Variants in PDSS2 observed in about 807,000 individuals in gnomAD.
The protein encoded by PDSS2 is decaprenyl diphosphate synthase subunit 2.
PDSS2 carries 31 observed loss-of-function variants against 44.5 expected under a neutral mutation model. The observed-to-expected ratio is 0.70, with a 90% CI of 0.52 to 0.94. PDSS2 has a LOEUF of 0.94. Ranked by LOEUF, PDSS2 falls within the 40% of genes least tolerant of loss-of-function variation. The probability of loss-of-function intolerance (pLI) is 0.00; values close to 1 mark genes in which losing one functional copy is unlikely to be tolerated. For synonymous variants in PDSS2, 157 were observed against 180.3 expected, an observed-to-expected ratio of 0.87 and a Z score of 1.03; for missense variants, 452 against 482.2, an observed-to-expected ratio of 0.94 and a Z score of 0.59.
chr6:107,423,630 C>T (rs545480434), intron 1 of PDSS2, among the ~76,000 whole-genome samples: 10 of 152,212 alleles, frequency 6.6e-5, no homozygotes, highest in South Asian at 2.1e-4. Flanking sequence ...ATCACTCTCC[C>T]GAAGCCCTTC....
chr6:107,264,289 A>G lies in PDSS2; in HGVS notation c.630+9740T>C. 2.1e-6 allele frequency: 3 copies of G among 1,400,160 alleles called. No individual in the cohort carries two copies. In the South Asian group the frequency reaches 5.4e-5, roughly 25 times the overall value. 86.7% of individuals were successfully genotyped at this position (1,400,160 alleles called of 1,614,324 possible). On this transcript the variant is annotated intron_variant, in intron 3 of 7. Transcript: ENST00000369037. Reference sequence around the variant, plus strand: ...AACAAAATACTTCATTTTAAACAACATATTTACGCCTTTAGGAAAACAAAG... The same window carrying G: ...AACAAAATACTTCATTTTAAACAACGTATTTACGCCTTTAGGAAAACAAAG...
chr6:107,360,292 T>C (rs963700733), intron 1 of PDSS2, among the ~76,000 whole-genome samples: 1 of 152,240 alleles, frequency 6.6e-6, no homozygotes, highest in Non-Finnish European at 1.5e-5. Flanking sequence ...GTGTATTCTC[T>C]CTTCTCTAGC....
At chr6:107,249,317 AT>A (rs1450201164) in intron 3 of PDSS2, among the ~76,000 whole-genome samples, 3 of 152,314 alleles carry the variant, frequency 2.0e-5, no homozygotes, top group Admixed American at 6.5e-5. Flanking sequence ...AGATTATGGT[AT>A]TTTTAAAATT....
intron 1 of PDSS2, among the ~76,000 whole-genome samples, chr6:107,404,626 C>T (rs319054): frequency 0.38 from 57,263 of 151,994 alleles, 13,273 homozygotes; most frequent in Middle Eastern, 0.64. Flanking sequence ...TACAGGGGAA[C>T]TGCCATTTAT....
At chr6:107,191,139 C>T (rs1447940574) in intron 7 of PDSS2, among the ~76,000 whole-genome samples, 1 of 152,162 alleles carries the variant, frequency 6.6e-6, no homozygotes, top group East Asian at 1.9e-4. Flanking sequence ...GATCCGCCCG[C>T]CTCCACCTCC....
chr6:107,421,165 T>C (rs1780812661), intron 1 of PDSS2, among the ~76,000 whole-genome samples: 1 of 152,164 alleles, frequency 6.6e-6, no homozygotes, highest in South Asian at 2.1e-4. Context: ...TTAGAATGGC[T>C]AAAATAAAAA....
At chr6:107,400,687 G>A (rs183557600) in intron 1 of PDSS2, among the ~76,000 whole-genome samples, 95 of 152,238 alleles carry the variant, frequency 6.2e-4, no homozygotes, top group Middle Eastern at 3.4e-3. Context: ...CCCCATACTG[G>A]CTCTCTAGCA....
chr6:107,372,397 C>T (rs907581402), intron 1 of PDSS2, among the ~76,000 whole-genome samples: 2 of 152,114 alleles, frequency 1.3e-5, no homozygotes, highest in African/African-American at 4.8e-5. Flanking sequence ...TGCATTTAGT[C>T]TGGGAAGTAG....
At position 107,388,846 on chromosome 6, in the gene PDSS2, G is replaced by A. The variant is rs181466428; in HGVS notation, c.297-54514C>T. Among the ~76,000 whole-genome samples the A allele has an allele frequency of 2.5e-3, 383 of 152,266 alleles. 1 individual carries two copies. Among genetic ancestry groups the A allele is most frequent in the Admixed American group, 4.4e-3 (68 of 15,298 alleles). ...TAAAAGAAGAATGGGTAAACAAATT[G>A]TGGTATATCCATACAATGTAATATT... On this transcript the variant is annotated intron_variant, in intron 1 of 7. Coordinates refer to ENST00000369037, the MANE Select transcript of PDSS2 (RefSeq NM_020381.4).
chr6:107,429,348 T>C (rs983214564), intron 1 of PDSS2, among the ~76,000 whole-genome samples: 2 of 152,110 alleles, frequency 1.3e-5, no homozygotes, highest in African/African-American at 2.4e-5. Context: ...TACTCTATAA[T>C]ACAACATACA....
At chr6:107,406,831 T>C (rs1353983586) in intron 1 of PDSS2, among the ~76,000 whole-genome samples, 3 of 152,200 alleles carry the variant, frequency 2.0e-5, no homozygotes, top group Non-Finnish European at 4.4e-5. Flanking sequence ...GTGGGTAGAA[T>C]AACATTCATA....
chr6:107,326,494 T>C (rs547588621), intron 2 of PDSS2, among the ~76,000 whole-genome samples: 11 of 152,188 alleles, frequency 7.2e-5, no homozygotes, highest in African/African-American at 2.6e-4. Context: ...AAATGTTCGG[T>C]CATGATTTTC....
chr6:107,188,814 A>G (rs1227909735), intron 7 of PDSS2, among the ~76,000 whole-genome samples: 3 of 152,206 alleles, frequency 2.0e-5, no homozygotes, highest in African/African-American at 7.2e-5. Flanking sequence ...ATGTGCCATG[A>G]TTCTAAGCTC....
chr6:107,380,536 T>G (rs1010418208), intron 1 of PDSS2, among the ~76,000 whole-genome samples: 1 of 152,186 alleles, frequency 6.6e-6, no homozygotes, highest in African/African-American at 2.4e-5. Context: ...TTCCCAGATC[T>G]TCAACTTTGA....
intron 1 of PDSS2, among the ~76,000 whole-genome samples, chr6:107,431,013 G>C (rs1328450924): frequency 6.6e-6 from 1 of 152,138 alleles, no homozygotes; most frequent in African/African-American, 2.4e-5. Flanking sequence ...TAGGAAGGAG[G>C]AAAGAAAATC....
intron 4 of PDSS2, among the ~76,000 whole-genome samples, chr6:107,244,116 G>A (rs552855238): frequency 1.3e-5 from 2 of 152,228 alleles, no homozygotes; most frequent in East Asian, 1.9e-4. Context: ...CAACAAGAGC[G>A]AAACTCCATC....
At position 107,412,842 on chromosome 6, in the gene PDSS2, A is replaced by T. The variant is rs575351824; in HGVS notation, c.296+46148T>A. 2.0e-5 allele frequency among the ~76,000 whole-genome samples: 3 copies of T among 152,318 alleles called. No individual in the cohort carries two copies. The South Asian group carries it at 6.2e-4, about 32-fold the overall frequency. ...CCATGTAAAATGTATCTGAGTATAC[A>T]ACATAAAGGATCTAATGTTCTCTTT... On this transcript the variant is annotated intron_variant, in intron 1 of 7. Coordinates refer to ENST00000369037, the MANE Select transcript of PDSS2 (RefSeq NM_020381.4).
chr6:107,382,748 G>A (rs536753712), intron 1 of PDSS2, among the ~76,000 whole-genome samples: 17 of 152,032 alleles, frequency 1.1e-4, no homozygotes, highest in African/African-American at 4.1e-4. Context: ...GCGGTGAGAG[G>A]ATCATTTGAG....
At chr6:107,419,795 C>T (rs2114694775) in intron 1 of PDSS2, among the ~76,000 whole-genome samples, 1 of 152,326 alleles carries the variant, frequency 6.6e-6, no homozygotes, top group Non-Finnish European at 1.5e-5. Context: ...TCTTATGCAT[C>T]TTTTGGTTAA....
Sources: allele counts gnomAD v4.1 joint callset (sites outside exome capture counted in the v4.1 genomes callset), GRCh38; gene constraint gnomAD v4.1.1; transcripts MANE v1.5; gene names NCBI Gene and HGNC (gene_info 2026-07-23, HGNC 2026-07-21).